Variants in NCAM1 observed in about 807,000 individuals in gnomAD.
NCAM1 encodes the protein antigen recognized by monoclonal antibody 5.1H11.
NCAM1 carries 14 observed loss-of-function variants against 109.8 expected under a neutral mutation model. The ratio of observed to expected loss-of-function variants is 0.13; its 90% CI spans 0.08 to 0.20. NCAM1 has a LOEUF of 0.20. NCAM1 is among the 10% of genes least tolerant of loss of function. The probability of loss-of-function intolerance (pLI) is 1.00; values close to 1 mark genes in which losing one functional copy is unlikely to be tolerated. For synonymous variants in NCAM1, 418 were observed against 442.9 expected, an observed-to-expected ratio of 0.94 and a Z score of 0.70; for missense variants, 774 against 1,109.9, an observed-to-expected ratio of 0.70 and a Z score of 4.30.
At chr11:112,975,588 A>G (rs1555067553) in intron 1 of NCAM1, among the ~76,000 whole-genome samples, 1 of 151,968 alleles carries the variant, frequency 6.6e-6, no homozygotes, top group Non-Finnish European at 1.5e-5. Flanking sequence ...GTTACTCATC[A>G]CGTTTAAAAT....
At chr11:113,106,521 C>T (rs1032531145) in intron 1 of NCAM1, among the ~76,000 whole-genome samples, 3 of 152,140 alleles carry the variant, frequency 2.0e-5, no homozygotes, top group African/African-American at 7.2e-5. Context: ...ATTGTGACAG[C>T]TGAAGATAAA....
intron 1 of NCAM1, among the ~76,000 whole-genome samples, chr11:113,188,710 C>G (rs1156572432): frequency 6.6e-6 from 1 of 152,002 alleles, no homozygotes; most frequent in Non-Finnish European, 1.5e-5. Context: ...TTTAAGGAAC[C>G]CAGTTTTGCC....
intron 1 of NCAM1, among the ~76,000 whole-genome samples, chr11:113,090,595 A>C (rs567492111): frequency 4.6e-5 from 7 of 152,218 alleles, no homozygotes; most frequent in Non-Finnish European, 8.8e-5. Context: ...ACATTTGGGG[A>C]AAGTCAGGTC....
In NCAM1 at chr11:113,026,603, C is replaced by G. The variant is rs555678563; in HGVS notation, c.52+64939C>G. On this transcript the variant is annotated intron_variant, in intron 1 of 19. Transcript: ENST00000316851. ...GTTTAAACAGTGGCGACAGAAGGTG[C>G]TGGACACTTTAAAATGTTCTTGTGT... Among the ~76,000 whole-genome samples, 19 of 152,214 alleles carry G rather than the reference C, an allele frequency of 1.2e-4. No homozygotes were observed. In the East Asian group the frequency reaches 3.7e-3, roughly 29 times the overall value.
intron 14 of NCAM1, chr11:113,243,627 G>A (rs1945409538): frequency 1.9e-6 from 1 of 518,206 alleles, no homozygotes. Context: ...TAAGATGTGT[G>A]TGGAGGACCT....
chr11:113,097,594 G>C (rs534936446), intron 1 of NCAM1, among the ~76,000 whole-genome samples: 1 of 133,432 alleles, frequency 7.5e-6, no homozygotes, highest in African/African-American at 2.9e-5. Flanking sequence ...ATTTATAAGA[G>C]GTGACTTGGG....
Position 113,221,403 on chromosome 11 carries a change from C to A in NCAM1, c.1089+78C>A, listed in dbSNP as rs569742939. ...TAACTCACCATTGCAGTTTAATAAC[C>A]AGACATGCTAAACTAATTAGTAATT... On this transcript the variant is annotated intron_variant, in intron 9 of 19. Transcript: ENST00000316851. 11 of 1,425,296 alleles carry A rather than the reference C, an allele frequency of 7.7e-6. No individual in the cohort carries two copies. In the South Asian group the frequency reaches 1.4e-4, roughly 18 times the overall value. The allele number at this position is 1,425,296 out of a possible 1,614,324, so 88.3% of individuals were successfully genotyped here. A position where few individuals can be genotyped will look rare whatever the true frequency, so the allele number is the denominator to read the frequency against.
At chr11:113,019,113 T>C (rs527488968) in intron 1 of NCAM1, among the ~76,000 whole-genome samples, 89 of 152,260 alleles carry the variant, frequency 5.8e-4, no homozygotes, top group African/African-American at 2.0e-3. Flanking sequence ...TGATGCTTCC[T>C]GTGTCACTAT....
chr11:113,121,417 C>T (rs782324323), intron 1 of NCAM1, among the ~76,000 whole-genome samples: 2 of 150,816 alleles, frequency 1.3e-5, no homozygotes, highest in Non-Finnish European at 2.9e-5. Flanking sequence ...GATGGGATTT[C>T]ACCATGTTGG....
chr11:112,986,080 G>A (rs1555069608), intron 1 of NCAM1, among the ~76,000 whole-genome samples: 1 of 151,826 alleles, frequency 6.6e-6, no homozygotes, highest in African/African-American at 2.4e-5. Context: ...TTGAGATACA[G>A]TCCTTCTATA....
intron 1 of NCAM1, among the ~76,000 whole-genome samples, chr11:113,160,639 T>A (rs1273594051): frequency 6.6e-6 from 1 of 152,228 alleles, no homozygotes; most frequent in Non-Finnish European, 1.5e-5. Context: ...TCGGCACTTT[T>A]GCATCAGAAA....
In NCAM1 at chr11:113,268,420, G is replaced by A. The variant is rs114760107; in HGVS notation, c.2132-1768G>A. Among the ~76,000 whole-genome samples, 456 of 152,276 alleles carry A rather than the reference G, an allele frequency of 3.0e-3. 1 individual carries two copies. The highest frequency in any genetic ancestry group is 0.01 in the African/African-American group (436 of 41,542). On this transcript the variant is annotated intron_variant, in intron 17 of 19. Transcript: ENST00000316851. ...AATGCGCTAGGATCTTCAGTGCGAG[G>A]TCAGCAGGGACCAGCCAGAGAGCCT...
chr11:113,152,905 GACAT>G (rs1555102724), intron 1 of NCAM1, among the ~76,000 whole-genome samples: 10 of 152,062 alleles, frequency 6.6e-5, no homozygotes, highest in Non-Finnish European at 1.5e-4. Context: ...GAAAGGCAGT[GACAT>G]CATCCTCATC....
intron 2 of NCAM1, among the ~76,000 whole-genome samples, chr11:113,203,939 G>A (rs148680606): frequency 1.3e-5 from 2 of 152,270 alleles, no homozygotes; most frequent in Non-Finnish European, 2.9e-5. Flanking sequence ...TTGGTTACCC[G>A]TTGTGTGAGG....
intron 15 of NCAM1, among the ~76,000 whole-genome samples, chr11:113,252,662 G>T (rs188482904): frequency 6.6e-6 from 1 of 151,858 alleles, no homozygotes; most frequent in Non-Finnish European, 1.5e-5. Flanking sequence ...TTGAGACAAG[G>T]TCTCACTCTG....
At chr11:113,143,437 T>C (rs1419485922) in intron 1 of NCAM1, among the ~76,000 whole-genome samples, 1 of 152,216 alleles carries the variant, frequency 6.6e-6, no homozygotes, top group East Asian at 1.9e-4. Flanking sequence ...AGTTGTAAAA[T>C]ATAGAAATCT....
intron 1 of NCAM1, among the ~76,000 whole-genome samples, chr11:113,082,281 G>A (rs781863839): frequency 6.6e-6 from 1 of 152,176 alleles, no homozygotes; most frequent in African/African-American, 2.4e-5. Flanking sequence ...AGGCTACTTG[G>A]TATTTAAATA....
At position 113,275,859 on chromosome 11, in the gene NCAM1, TTCAG is replaced by T. The variant is rs1297262579; in HGVS notation, c.*476_*479del. The T allele has an allele frequency of 6.5e-6, 1 of 153,812 alleles. No individual in the cohort carries two copies. Among genetic ancestry groups the T allele is most frequent in the African/African-American group, 2.4e-5 (1 of 41,462 alleles). The allele number at this position is 153,812 out of a possible 1,614,324, so 9.5% of individuals were successfully genotyped here. A position where few individuals can be genotyped will look rare whatever the true frequency, so the allele number is the denominator to read the frequency against. On this transcript the variant is annotated 3_prime_UTR_variant, in exon 20 of 20. Coordinates refer to ENST00000316851, the MANE Select transcript of NCAM1 (RefSeq NM_181351.5). ...AAAGTCCACAGTTTATTTTTATACT[TTCAG>T]TCAAGTTTGAACTCTGTAAAACCTC...
In NCAM1 at chr11:113,275,561, C is replaced by A; in HGVS notation, c.*174C>A. 1 of 779,636 alleles carries A rather than the reference C, an allele frequency of 1.3e-6. No homozygotes were observed. The highest frequency in any genetic ancestry group is 2.9e-5 in the East Asian group (1 of 34,322). 48.3% of individuals were successfully genotyped at this position (779,636 alleles called of 1,614,324 possible). A position where few individuals can be genotyped will look rare whatever the true frequency, so the allele number is the denominator to read the frequency against. ...TTTAAAAAAAACTAAACAGATAAAACATGGGAATCTCCTTTTTGTAGGTTT... is the reference window on the plus strand; with the variant it reads ...TTTAAAAAAAACTAAACAGATAAAAAATGGGAATCTCCTTTTTGTAGGTTT... On this transcript the variant is annotated 3_prime_UTR_variant, in exon 20 of 20. Transcript: ENST00000316851.
Sources: allele counts gnomAD v4.1 joint callset (sites outside exome capture counted in the v4.1 genomes callset), GRCh38; gene constraint gnomAD v4.1.1; transcripts MANE v1.5; gene names NCBI Gene and HGNC (gene_info 2026-07-23, HGNC 2026-07-21).